Variants in GPC6 observed in about 807,000 individuals in gnomAD.
GPC6 encodes the protein glypican 6.
Under a neutral mutation model 55.2 loss-of-function variants are expected in GPC6, and 14 were observed. The observed-to-expected ratio is 0.25, with a 90% CI of 0.17 to 0.40. The LOEUF is 0.40. Among genes scored for constraint, GPC6 ranks in the 10% least tolerant of loss-of-function variants. GPC6 has a pLI of 1.00. For synonymous variants in GPC6, 278 were observed against 259.6 expected, an observed-to-expected ratio of 1.07 and a Z score of -0.68; for missense variants, 641 against 708.5, an observed-to-expected ratio of 0.90 and a Z score of 1.08.
intron 5 of GPC6, among the ~76,000 whole-genome samples, chr13:94,293,780 G>A (rs895245042): frequency 6.6e-6 from 1 of 152,192 alleles, no homozygotes; most frequent in Non-Finnish European, 1.5e-5. Flanking sequence ...GGGGATTGCA[G>A]CCCAGGTCTG....
intron 3 of GPC6, among the ~76,000 whole-genome samples, chr13:94,013,690 T>G (rs1230503196): frequency 6.6e-6 from 1 of 152,172 alleles, no homozygotes; most frequent in African/African-American, 2.4e-5. Context: ...AAACTGAATC[T>G]AGGTGACACT....
At chr13:94,047,079 G>A (rs529598855) in intron 4 of GPC6, among the ~76,000 whole-genome samples, 1 of 152,152 alleles carries the variant, frequency 6.6e-6, no homozygotes, top group Admixed American at 6.6e-5. Context: ...AGTCTAATCA[G>A]GAAGCCAAGT....
rs542765053 is a variant in GPC6, at chr13:94,391,483, T to A, written c.1290-6983T>A. Reference sequence around the variant, plus strand: ...AGTGCCTCAGACAACCCTAGCTTAATGATCTTCAAGAATTTATAATTACAC... The same window carrying A: ...AGTGCCTCAGACAACCCTAGCTTAAAGATCTTCAAGAATTTATAATTACAC... On this transcript the variant is annotated intron_variant, in intron 7 of 8. Coordinates refer to ENST00000377047, the MANE Select transcript of GPC6 (RefSeq NM_005708.5). Among the ~76,000 whole-genome samples, 16 of 152,316 alleles carry A rather than the reference T, an allele frequency of 1.1e-4. No individual in the cohort carries two copies. In the East Asian group the frequency reaches 2.9e-3, roughly 28 times the overall value.
chr13:94,133,288 A>C (rs646611), intron 4 of GPC6, among the ~76,000 whole-genome samples: 74,283 of 127,508 alleles, frequency 0.58, 21,331 homozygotes, highest in Middle Eastern at 0.63. Flanking sequence ...AAAAAAAAAA[A>C]AAAACCTTAA....
chr13:93,771,462 C>T (rs1235574114), intron 2 of GPC6, among the ~76,000 whole-genome samples: 1 of 152,104 alleles, frequency 6.6e-6, no homozygotes, highest in Non-Finnish European at 1.5e-5. Flanking sequence ...TCGGGGAGTG[C>T]ACTCTGCAGG....
At chr13:94,018,535 G>A (rs1240847635) in intron 3 of GPC6, among the ~76,000 whole-genome samples, 1 of 152,040 alleles carries the variant, frequency 6.6e-6, no homozygotes, top group Non-Finnish European at 1.5e-5. Flanking sequence ...AGGTGATCCT[G>A]CTGCCTCGGC....
At chr13:94,190,308 T>C (rs1257292303) in intron 4 of GPC6, among the ~76,000 whole-genome samples, 3 of 113,872 alleles carry the variant, frequency 2.6e-5, no homozygotes, top group African/African-American at 4.7e-5. Flanking sequence ...AGCAAGACTC[T>C]GAAAAAAAAA....
Position 93,526,543 on chromosome 13 carries a change from A to G in GPC6, c.161-18720A>G, listed in dbSNP as rs1480728398. 5.3e-5 allele frequency among the ~76,000 whole-genome samples: 8 copies of G among 152,082 alleles called. No homozygotes were observed. The East Asian group carries it at 1.3e-3, about 26-fold the overall frequency. ...ATTAATTGCCTGCACATATCCTTAT[A>G]TATTTTCTCTTCCCCGAGTACAGTA... On this transcript the variant is annotated intron_variant, in intron 1 of 8. Coordinates refer to ENST00000377047, the MANE Select transcript of GPC6 (RefSeq NM_005708.5).
At chr13:93,469,948 C>T (rs9584116) in intron 1 of GPC6, among the ~76,000 whole-genome samples, 1,533 of 152,054 alleles carry the variant, frequency 0.01, 36 homozygotes, top group African/African-American at 0.035. Context: ...ATGTTTATTT[C>T]TGTGTTCCTT....
intron 4 of GPC6, among the ~76,000 whole-genome samples, chr13:94,196,550 TG>T (rs1341001980): frequency 6.6e-6 from 1 of 152,216 alleles, no homozygotes; most frequent in Non-Finnish European, 1.5e-5. Flanking sequence ...CCTTCAAGGC[TG>T]TGTCTTGCAT....
chr13:93,469,196 A>G (rs1319698426), intron 1 of GPC6, among the ~76,000 whole-genome samples: 1 of 152,222 alleles, frequency 6.6e-6, no homozygotes, highest in Non-Finnish European at 1.5e-5. Context: ...TTCAAAATTC[A>G]ATAATTTTGA....
chr13:94,202,637 A>G (rs1889789141), intron 4 of GPC6, among the ~76,000 whole-genome samples: 1 of 152,212 alleles, frequency 6.6e-6, no homozygotes, highest in Non-Finnish European at 1.5e-5. Flanking sequence ...TTGGGTGGAG[A>G]CACAGCTGAA....
At chr13:93,614,109 TGATTA>T (rs1387856995) in intron 2 of GPC6, among the ~76,000 whole-genome samples, 1 of 152,186 alleles carries the variant, frequency 6.6e-6, no homozygotes, top group Admixed American at 6.5e-5. Context: ...AAATATGTTT[TGATTA>T]GACAGCAAAT....
At chr13:93,844,142 ACT>A (rs1888070608) in intron 3 of GPC6, among the ~76,000 whole-genome samples, 1 of 151,870 alleles carries the variant, frequency 6.6e-6, no homozygotes, top group Non-Finnish European at 1.5e-5. Flanking sequence ...TGGTGTAAAC[ACT>A]GTTTCTTTTT....
intron 1 of GPC6, among the ~76,000 whole-genome samples, chr13:93,479,650 GT>G (rs1297427024): frequency 6.6e-6 from 1 of 152,056 alleles, no homozygotes; most frequent in African/African-American, 2.4e-5. Context: ...TTAGCTAGGT[GT>G]GGTGGTATGC....
intron 3 of GPC6, among the ~76,000 whole-genome samples, chr13:93,924,982 A>G (rs1877777840): frequency 1.3e-5 from 2 of 152,206 alleles, no homozygotes; most frequent in Non-Finnish European, 1.5e-5. Context: ...GGCATGTGAA[A>G]AACATGAAAA....
intron 3 of GPC6, among the ~76,000 whole-genome samples, chr13:93,873,608 G>A (rs1320161919): frequency 6.6e-6 from 1 of 151,790 alleles, no homozygotes; most frequent in African/African-American, 2.4e-5. Flanking sequence ...TAATCATCTG[G>A]CCCCACCTGT....
chr13:94,183,207 C>T (rs368629112), intron 4 of GPC6, among the ~76,000 whole-genome samples: 3 of 152,288 alleles, frequency 2.0e-5, no homozygotes, highest in South Asian at 2.1e-4. Context: ...AGCAATAATT[C>T]GCCTTTCTTA....
chr13:93,610,793 T>C (rs908219170), intron 2 of GPC6, among the ~76,000 whole-genome samples: 6 of 152,150 alleles, frequency 3.9e-5, no homozygotes, highest in Non-Finnish European at 7.4e-5. Flanking sequence ...TTCTGTTTTC[T>C]ATTTCATTTA....
Sources: allele counts gnomAD v4.1 joint callset (sites outside exome capture counted in the v4.1 genomes callset), GRCh38; gene constraint gnomAD v4.1.1; transcripts MANE v1.5; gene names NCBI Gene and HGNC (gene_info 2026-07-23, HGNC 2026-07-21).